Variants in CCDC3 observed in about 807,000 individuals in gnomAD.
The protein encoded by CCDC3 is coiled-coil domain-containing protein 3.
A neutral mutation model predicts 21.4 loss-of-function variants in CCDC3; 24 were observed. The observed-to-expected ratio is 1.12, with a 90% CI of 0.81 to 1.58. The LOEUF (loss-of-function observed/expected upper bound fraction) is 1.58, where lower values mean the gene tolerates loss of function less well. CCDC3 is among the 40% of genes most tolerant of loss of function. The probability of loss-of-function intolerance (pLI) is 0.00; values close to 1 mark genes in which losing one functional copy is unlikely to be tolerated. For synonymous variants in CCDC3, 186 were observed against 166.0 expected, an observed-to-expected ratio of 1.12 and a Z score of -0.93; for missense variants, 425 against 360.9, an observed-to-expected ratio of 1.18 and a Z score of -1.44.
At chr10:13,013,176 A>T (rs1364709872) in intron 5 of CCDC3, among the ~76,000 whole-genome samples, 2 of 152,150 alleles carry the variant, frequency 1.3e-5, no homozygotes, top group Non-Finnish European at 2.9e-5. Flanking sequence ...GAGCAGTAAC[A>T]CTCCAAAAGC....
chr10:13,083,591 A>G (rs1404933269), intron 3 of CCDC3, among the ~76,000 whole-genome samples: 1 of 152,230 alleles, frequency 6.6e-6, no homozygotes, highest in Non-Finnish European at 1.5e-5. Flanking sequence ...TTTAACCAAG[A>G]TATCTGTGCT....
chr10:12,953,257 C>T (rs148431786), intron 2 of CCDC3, among the ~76,000 whole-genome samples: 2 of 152,208 alleles, frequency 1.3e-5, no homozygotes, highest in East Asian at 3.9e-4. Context: ...GAGACTTATT[C>T]ACTGTCATGA....
intron 5 of CCDC3, among the ~76,000 whole-genome samples, chr10:13,032,020 C>T (rs924724327): frequency 3.3e-5 from 5 of 152,102 alleles, no homozygotes; most frequent in Non-Finnish European, 7.3e-5. Flanking sequence ...ATACCAAAGC[C>T]GGGCAGAGAC....
At chr10:12,916,426 CAAAA>C (rs71386129) in intron 2 of CCDC3, among the ~76,000 whole-genome samples, 3 of 105,258 alleles carry the variant, frequency 2.9e-5, no homozygotes, top group Admixed American at 1.0e-4. Flanking sequence ...GACTCCATCT[CAAAA>C]AAAAAAAAAA....
chr10:12,964,334 T>G (rs564606633), intron 2 of CCDC3, among the ~76,000 whole-genome samples: 1 of 151,082 alleles, frequency 6.6e-6, no homozygotes. Flanking sequence ...ATTACACCAT[T>G]GCACTCCAGC....
rs556929412 is a variant in CCDC3 at position 12,974,792 on chromosome 10, G to T, written c.549+23546C>A. Among the ~76,000 whole-genome samples the T allele has an allele frequency of 5.3e-5, 8 of 152,288 alleles. No individual in the cohort carries two copies. The East Asian group carries it at 1.5e-3, about 29-fold the overall frequency. The stretch of plus-strand genomic sequence containing the variant: ...TCTTGAATCCCAGCCACAGACAAAG[G>T]TTTCATCACCAGATTTGGATCGCCT... On this transcript the variant is annotated intron_variant, in intron 2 of 2. Transcript: ENST00000378825.
At chr10:12,975,680 C>G (rs1019172722) in intron 2 of CCDC3, among the ~76,000 whole-genome samples, 1 of 152,136 alleles carries the variant, frequency 6.6e-6, no homozygotes, top group Non-Finnish European at 1.5e-5. Context: ...TTGCCAGCAC[C>G]CTGTGTCACA....
intron 2 of CCDC3, among the ~76,000 whole-genome samples, chr10:12,928,714 C>A (rs1226811936): frequency 1.3e-5 from 2 of 152,206 alleles, no homozygotes; most frequent in Non-Finnish European, 2.9e-5. Flanking sequence ...CACACAGAAG[C>A]CCCTGGTGGG....
chr10:12,930,626 G>A (rs967652996), intron 2 of CCDC3, among the ~76,000 whole-genome samples: 5 of 152,160 alleles, frequency 3.3e-5, no homozygotes, highest in South Asian at 2.1e-4. Context: ...ATTCTCAACC[G>A]GTGGCAATGT....
At chr10:13,023,783 C>G (rs1331368831) in intron 5 of CCDC3, among the ~76,000 whole-genome samples, 1 of 152,098 alleles carries the variant, frequency 6.6e-6, no homozygotes, top group Non-Finnish European at 1.5e-5. Context: ...TCTCATCATC[C>G]AAATCAATCC....
chr10:13,064,101 T>C (rs913985404), intron 4 of CCDC3, among the ~76,000 whole-genome samples: 1 of 152,166 alleles, frequency 6.6e-6, no homozygotes, highest in Non-Finnish European at 1.5e-5. Flanking sequence ...ATAATTTTTG[T>C]ATTTTTAGTA....
chr10:13,050,458 T>TC (rs1369022150), intron 4 of CCDC3, among the ~76,000 whole-genome samples: 2 of 16,910 alleles, frequency 1.2e-4, no homozygotes, highest in East Asian at 0.013. Flanking sequence ...TATTTATTCT[T>TC]TTTTTTTTTT....
rs963826975 is a variant in CCDC3, at chr10:12,917,373, T to G, written c.550-18694A>C. ...CATACCCGGCTAATTTTTTTTTGTA[T>G]TTTTAGTAGAGACGGGGTTTCACCG... On this transcript the variant is annotated intron_variant, in intron 2 of 2. Transcript: ENST00000378825. Among the ~76,000 whole-genome samples, 76 of 151,858 alleles carry G rather than the reference T, an allele frequency of 5.0e-4. 1 individual carries two copies. The highest frequency in any genetic ancestry group is 1.8e-3 in the African/African-American group (73 of 41,330).
At chr10:13,018,003 C>T (rs1018328625) in intron 5 of CCDC3, among the ~76,000 whole-genome samples, 3 of 151,952 alleles carry the variant, frequency 2.0e-5, no homozygotes, top group Non-Finnish European at 2.9e-5. Flanking sequence ...CCAAGTGTCC[C>T]TATATAGGTT....
intron 2 of CCDC3, among the ~76,000 whole-genome samples, chr10:12,985,473 C>A (rs1025151739): frequency 3.3e-5 from 5 of 152,188 alleles, no homozygotes; most frequent in African/African-American, 1.2e-4. Context: ...ACACTCTGTA[C>A]GTGAATGTTC....
At chr10:13,044,972 T>C (rs1426362646) in intron 5 of CCDC3, among the ~76,000 whole-genome samples, 1 of 152,186 alleles carries the variant, frequency 6.6e-6, no homozygotes, top group African/African-American at 2.4e-5. Context: ...AAAGGAAAGC[T>C]CTTACATGAC....
chr10:13,052,623 G>A (rs770386327), intron 4 of CCDC3, among the ~76,000 whole-genome samples: 4 of 152,018 alleles, frequency 2.6e-5, no homozygotes, highest in South Asian at 2.1e-4. Flanking sequence ...TTGATCTCAT[G>A]TTAACAGTTC....
chr10:13,092,947 G>A (rs764345254), intron 3 of CCDC3, among the ~76,000 whole-genome samples: 4 of 151,944 alleles, frequency 2.6e-5, no homozygotes, highest in Non-Finnish European at 5.9e-5. Flanking sequence ...TTGACTTTTC[G>A]TGGGTATAAA....
chr10:13,041,310 C>A (rs1007504911), intron 5 of CCDC3, among the ~76,000 whole-genome samples: 2 of 151,954 alleles, frequency 1.3e-5, no homozygotes, highest in Non-Finnish European at 2.9e-5. Flanking sequence ...ATTTTGACAT[C>A]CGACCAATTC....
Sources: allele counts gnomAD v4.1 joint callset (sites outside exome capture counted in the v4.1 genomes callset), GRCh38; gene constraint gnomAD v4.1.1; transcripts MANE v1.5; gene names NCBI Gene and HGNC (gene_info 2026-07-23, HGNC 2026-07-21).